The following NRG1 variants were observed in gnomAD, a reference collection of about 807,000 sequenced individuals.
NRG1 encodes the protein neuregulin 1.
NRG1 carries 18 observed loss-of-function variants against 63.8 expected under a neutral mutation model. The ratio of observed to expected loss-of-function variants is 0.28; its 90% CI spans 0.19 to 0.42. The LOEUF (loss-of-function observed/expected upper bound fraction) is 0.42. NRG1 is among the 10% of genes least tolerant of loss of function. NRG1 has a pLI of 1.00. For missense variants in NRG1, 762 were observed against 814.7 expected (o/e 0.94, Z 0.79); for synonymous variants, 302 against 301.3 (o/e 1.00, Z -0.02).
At chr8:32,591,425 T>C (rs1842500287) in intron 1 of NRG1, among the ~76,000 whole-genome samples, 1 of 152,074 alleles carries the variant, frequency 6.6e-6, no homozygotes, top group South Asian at 2.1e-4. Flanking sequence ...ACCTTGGATC[T>C]GAAGGTCTCT....
At chr8:32,140,630 T>G (rs1836126315) in intron 1 of NRG1, among the ~76,000 whole-genome samples, 2 of 152,016 alleles carry the variant, frequency 1.3e-5, no homozygotes, top group South Asian at 4.2e-4. Flanking sequence ...TCTGGCTAAT[T>G]TCTTCATTTT....
chr8:31,750,331 A>G (rs1008310239), intron 1 of NRG1, among the ~76,000 whole-genome samples: 1 of 151,892 alleles, frequency 6.6e-6, no homozygotes, highest in African/African-American at 2.4e-5. Context: ...ATGGACCATT[A>G]TTATTGTTTC....
In NRG1 at chr8:32,574,528, T is replaced by A. The variant is rs114083244; in HGVS notation, c.101-21300T>A. On this transcript the variant is annotated intron_variant, in intron 1 of 11. Transcript: ENST00000356819. ...ATGGGGGTGGATTTCTCATGAATGG[T>A]TTAGCACCATTCCTTGGTGCTGTCC... Among the ~76,000 whole-genome samples the A allele has an allele frequency of 6.9e-3, 1,052 of 152,212 alleles. 17 individuals carry two copies. Among genetic ancestry groups the A allele is most frequent in the African/African-American group, 0.024 (1,011 of 41,546 alleles).
intron 1 of NRG1, among the ~76,000 whole-genome samples, chr8:32,044,913 C>CTAAAAAA (rs1820705110): frequency 1.8e-5 from 1 of 57,120 alleles, no homozygotes; most frequent in Non-Finnish European, 3.4e-5. Context: ...TAAAGAAAAG[C>CTAAAAAA]AAAAAAAAAA....
intron 1 of NRG1, among the ~76,000 whole-genome samples, chr8:32,260,651 C>T (rs944803692): frequency 5.3e-5 from 8 of 152,194 alleles, no homozygotes; most frequent in Non-Finnish European, 1.0e-4. Context: ...CATGTCCTTC[C>T]AGGGCCCTGC....
intron 1 of NRG1, among the ~76,000 whole-genome samples, chr8:32,241,811 T>C (rs1848126546): frequency 6.6e-6 from 1 of 151,844 alleles, no homozygotes; most frequent in Admixed American, 6.6e-5. Flanking sequence ...GGAGTGAGTG[T>C]GCAGTGGTGC....
At chr8:32,087,243 A>G (rs1195412866) in intron 1 of NRG1, among the ~76,000 whole-genome samples, 6 of 152,024 alleles carry the variant, frequency 3.9e-5, no homozygotes, top group African/African-American at 1.4e-4. Flanking sequence ...GCTTAGTACC[A>G]TCTGCTTGGT....
At chr8:32,310,957 T>C (rs903145301) in intron 1 of NRG1, among the ~76,000 whole-genome samples, 1 of 152,212 alleles carries the variant, frequency 6.6e-6, no homozygotes, top group Non-Finnish European at 1.5e-5. Flanking sequence ...CCCATCAGAA[T>C]TTAGCACAGG....
chr8:31,661,602 T>A (rs1291002500), intron 1 of NRG1, among the ~76,000 whole-genome samples: 22 of 152,214 alleles, frequency 1.4e-4, no homozygotes, highest in Non-Finnish European at 4.4e-5. Context: ...ATGAAGCAAA[T>A]GCACTCTAAA....
intron 1 of NRG1, among the ~76,000 whole-genome samples, chr8:32,162,617 G>T (rs1243085229): frequency 6.6e-6 from 1 of 151,984 alleles, no homozygotes; most frequent in Admixed American, 6.5e-5. Flanking sequence ...CCATCCAGGG[G>T]AAATATTTGC....
At chr8:32,449,316 T>G (rs1820677430) in intron 1 of NRG1, among the ~76,000 whole-genome samples, 1 of 150,702 alleles carries the variant, frequency 6.6e-6, no homozygotes, top group African/African-American at 2.4e-5. Context: ...TAATAATATA[T>G]AAATAAACAA....
At chr8:32,092,068 A>G (rs998350423) in intron 1 of NRG1, among the ~76,000 whole-genome samples, 2 of 152,202 alleles carry the variant, frequency 1.3e-5, no homozygotes, top group Non-Finnish European at 2.9e-5. Context: ...AATTTTTTAA[A>G]AAAAATACAG....
intron 1 of NRG1, among the ~76,000 whole-genome samples, chr8:32,515,243 A>G (rs1829691860): frequency 6.6e-6 from 1 of 152,150 alleles, no homozygotes; most frequent in Admixed American, 6.6e-5. Context: ...ACAGTGTATA[A>G]GCATTCCCTT....
intron 1 of NRG1, among the ~76,000 whole-genome samples, chr8:32,175,464 G>A (rs1311424857): frequency 3.3e-5 from 5 of 152,166 alleles, no homozygotes; most frequent in Admixed American, 3.3e-4. Context: ...TCAACATAGT[G>A]TTGGAAGTTT....
intron 1 of NRG1, among the ~76,000 whole-genome samples, chr8:31,949,440 A>AAATTAAAC (rs1456251672): frequency 6.6e-6 from 1 of 152,186 alleles, no homozygotes; most frequent in African/African-American, 2.4e-5. Flanking sequence ...ATCAAAATGA[A>AAATTAAAC]AATTAAACAG....
rs114492597 is a variant in NRG1 at position 31,802,332 on chromosome 8, C to T, written c.37+162901C>T. Among the ~76,000 whole-genome samples, 1,381 of 152,248 alleles carry T rather than the reference C, an allele frequency of 9.1e-3. 34 individuals carry two copies. Among genetic ancestry groups the T allele is most frequent in the African/African-American group, 0.032 (1,331 of 41,530 alleles). On this transcript the variant is annotated intron_variant, in intron 1 of 10. Transcript: ENST00000519301. ...ATAGTAATAAGAATTTATTTCTACT[C>T]AGAATGAATGTTCCTCACAGTGGAG...
At chr8:32,271,551 TC>T (rs1397423219) in intron 1 of NRG1, among the ~76,000 whole-genome samples, 1 of 152,160 alleles carries the variant, frequency 6.6e-6, no homozygotes, top group Non-Finnish European at 1.5e-5. Flanking sequence ...AGTCATGCAT[TC>T]CTTTGTTCAA....
At chr8:32,417,561 A>T (rs1033083595) in intron 1 of NRG1, among the ~76,000 whole-genome samples, 3 of 152,166 alleles carry the variant, frequency 2.0e-5, no homozygotes, top group Non-Finnish European at 4.4e-5. Context: ...ACACTTCAGG[A>T]AATTGTCTTT....
chr8:32,767,654 A>G (rs1243060601), exon 12 of NRG1: 1 of 152,178 alleles, frequency 6.6e-6, no homozygotes, highest in Non-Finnish European at 1.5e-5. Flanking sequence ...TTAAGCATCT[A>G]ACATATAGAG....
Sources: allele counts gnomAD v4.1 joint callset (sites outside exome capture counted in the v4.1 genomes callset), GRCh38; gene constraint gnomAD v4.1.1; transcripts MANE v1.5; gene names NCBI Gene and HGNC (gene_info 2026-07-23, HGNC 2026-07-21).